Variants in HDAC9 observed in about 807,000 individuals in gnomAD.
HDAC9 encodes histone deacetylase 9, also known as MEF-2 interacting transcription repressor (MITR) protein.
A neutral mutation model predicts 139.4 loss-of-function variants in HDAC9; 41 were observed. That is an observed-to-expected ratio of 0.29 (90% CI 0.23 to 0.38). The LOEUF (loss-of-function observed/expected upper bound fraction) is 0.38, where lower values mean the gene tolerates loss of function less well. Among genes scored for constraint, HDAC9 ranks in the 10% least tolerant of loss-of-function variants. HDAC9 has a pLI of 1.00. For missense variants in HDAC9, 1,147 were observed against 1,297.0 expected (o/e 0.88, Z 1.78); for synonymous variants, 517 against 476.2 (o/e 1.09, Z -1.12).
At chr7:18,367,655 G>A (rs1280788901) in intron 1 of HDAC9, among the ~76,000 whole-genome samples, 1 of 152,180 alleles carries the variant, frequency 6.6e-6, no homozygotes, top group African/African-American at 2.4e-5. Flanking sequence ...ACATGCTTGT[G>A]CATGTTTTCT....
intron 1 of HDAC9, among the ~76,000 whole-genome samples, chr7:18,368,774 ATTC>A (rs1784376538): frequency 9.3e-5 from 13 of 140,276 alleles, no homozygotes; most frequent in Admixed American, 2.9e-4. Flanking sequence ...GAATACAGAA[ATTC>A]CTACCTAAGT....
chr7:18,305,547 G>T (rs1366005437), intron 1 of HDAC9, among the ~76,000 whole-genome samples: 1 of 152,018 alleles, frequency 6.6e-6, no homozygotes, highest in South Asian at 2.1e-4. Context: ...TGTGTCCAAA[G>T]AAACATAACT....
chr7:18,607,417 G>A (rs1835833523), intron 6 of HDAC9, among the ~76,000 whole-genome samples: 1 of 152,206 alleles, frequency 6.6e-6, no homozygotes, highest in Non-Finnish European at 1.5e-5. Flanking sequence ...CATAGTGCAG[G>A]ATTTCTCTGA....
chr7:18,679,794 A>AT (rs2129089387), intron 12 of HDAC9, among the ~76,000 whole-genome samples: 2 of 151,972 alleles, frequency 1.3e-5, no homozygotes, highest in South Asian at 4.2e-4. Flanking sequence ...CGTAAGTGTA[A>AT]TTTTTATTTT....
intron 13 of HDAC9, among the ~76,000 whole-genome samples, chr7:18,741,602 GCATCCATTCT>G (rs1205091904): frequency 2.0e-5 from 3 of 151,934 alleles, no homozygotes; most frequent in Admixed American, 6.6e-5. Context: ...TGCTAACACA[GCATCCATTCT>G]GCAGCCCATA....
chr7:18,216,265 G>A (rs1792306743), intron 2 of HDAC9, among the ~76,000 whole-genome samples: 1 of 152,012 alleles, frequency 6.6e-6, no homozygotes, highest in South Asian at 2.1e-4. Context: ...ATATTTGAAA[G>A]TTTAACAAAA....
intron 6 of HDAC9, among the ~76,000 whole-genome samples, chr7:18,599,100 C>G (rs1315171943): frequency 6.6e-6 from 1 of 152,178 alleles, no homozygotes; most frequent in African/African-American, 2.4e-5. Context: ...CTCACTAGGG[C>G]CAGAGTTTTA....
At chr7:18,972,624 AC>A (rs1176958755) in intron 24 of HDAC9, among the ~76,000 whole-genome samples, 3 of 151,126 alleles carry the variant, frequency 2.0e-5, no homozygotes, top group African/African-American at 7.3e-5. Flanking sequence ...CAAGTGATCC[AC>A]CCCCTTCAGC....
intron 1 of HDAC9, among the ~76,000 whole-genome samples, chr7:18,159,884 G>A (rs1173898806): frequency 6.6e-5 from 10 of 152,144 alleles, no homozygotes; most frequent in Admixed American, 6.6e-4. Context: ...AAGGGGAGTT[G>A]TTTAACTTTA....
intron 2 of HDAC9, among the ~76,000 whole-genome samples, chr7:18,227,979 A>G (rs964460449): frequency 6.6e-6 from 1 of 152,124 alleles, no homozygotes; most frequent in Non-Finnish European, 1.5e-5. Context: ...AATCTTCTTT[A>G]GTCTATATAT....
At chr7:18,628,837 C>T (rs976384346) in intron 6 of HDAC9, among the ~76,000 whole-genome samples, 2 of 152,072 alleles carry the variant, frequency 1.3e-5, no homozygotes, top group African/African-American at 4.8e-5. Flanking sequence ...TTAGAAACTA[C>T]TGACAAAGAA....
intron 6 of HDAC9, among the ~76,000 whole-genome samples, chr7:18,603,705 T>C (rs1391391977): frequency 6.6e-6 from 1 of 152,122 alleles, no homozygotes; most frequent in Non-Finnish European, 1.5e-5. Flanking sequence ...CAATTGATAA[T>C]AAAAATAAAA....
chr7:18,403,952 G>A (rs1787774399), intron 1 of HDAC9, among the ~76,000 whole-genome samples: 1 of 152,190 alleles, frequency 6.6e-6, no homozygotes, highest in Non-Finnish European at 1.5e-5. Context: ...ACCTGAATGA[G>A]TTAGCATTAG....
intron 2 of HDAC9, among the ~76,000 whole-genome samples, chr7:18,240,412 C>T (rs1584793650): frequency 6.6e-6 from 1 of 152,114 alleles, no homozygotes; most frequent in African/African-American, 2.4e-5. Context: ...TAAAAGATTG[C>T]AGTTATTTGT....
At chr7:18,793,514 T>TC in intron 17 of HDAC9, 62 bp downstream of exon 17, 2 of 1,090,396 alleles carry the variant, frequency 1.8e-6, no homozygotes, top group Non-Finnish European at 2.8e-6. Context: ...AGAGATGTTG[T>TC]TATGTGGGAA....
intron 1 of HDAC9, among the ~76,000 whole-genome samples, chr7:18,121,319 C>G (rs762837660): frequency 7.2e-5 from 11 of 152,098 alleles, no homozygotes; most frequent in Non-Finnish European, 1.5e-4. Context: ...TTGTGTAGGG[C>G]TATACTTGCC....
intron 25 of HDAC9, among the ~76,000 whole-genome samples, chr7:18,994,785 C>A (rs1585522021): frequency 6.6e-6 from 1 of 151,998 alleles, no homozygotes; most frequent in Non-Finnish European, 1.5e-5. Flanking sequence ...ATAACATGGC[C>A]AAACATTTCA....
At chr7:18,289,257 A>G (rs1562839324), upstream of HDAC9, among the ~76,000 whole-genome samples, 1 of 152,178 alleles carries the variant, frequency 6.6e-6, no homozygotes, top group Non-Finnish European at 1.5e-5. Flanking sequence ...CCTTCAGTGT[A>G]GTACTTAGAT....
At chr7:18,932,977 C>T (rs1804912060) in intron 22 of HDAC9, among the ~76,000 whole-genome samples, 1 of 152,078 alleles carries the variant, frequency 6.6e-6, no homozygotes, top group African/African-American at 2.4e-5. Context: ...AACTCCACAA[C>T]CAGTCTTGCC....
Sources: gnomAD v4.1 joint callset for allele counts (sites outside exome capture counted in the v4.1 genomes callset) on GRCh38, gnomAD v4.1.1 for gene constraint, MANE v1.5 for transcripts, NCBI Gene and HGNC (gene_info 2026-07-23, HGNC 2026-07-21) for gene names.